WWOX: variants seen among roughly 807,000 people sequenced by gnomAD.
The protein encoded by WWOX is WW domain-containing oxidoreductase.
In WWOX, 69 loss-of-function variants were observed where a neutral mutation model predicts 46.2. The observed-to-expected ratio is 1.49, with a 90% CI of 1.23 to 1.82. The LOEUF (loss-of-function observed/expected upper bound fraction) is 1.82, where lower values mean the gene tolerates loss of function less well. WWOX is among the 40% of genes most tolerant of loss of function. The pLI, the probability that WWOX is intolerant of heterozygous loss-of-function variation, is 0.00. For synonymous variants in WWOX, 359 were observed against 202.6 expected, an observed-to-expected ratio of 1.77 and a Z score of -6.56; for missense variants, 919 against 542.6, an observed-to-expected ratio of 1.69 and a Z score of -6.89.
chr16:78,692,368 G>A lies in WWOX; in HGVS notation c.1056+259616G>A, dbSNP rs376775324. ...CATAGCTTCCTTACCAGTTCCCAAA[G>A]CTTCAGTCCTTACCAAAGTGTACAT... On this transcript the variant is annotated intron_variant, in intron 8 of 8. Transcript: ENST00000566780. 6.8e-4 allele frequency among the ~76,000 whole-genome samples: 104 copies of A among 152,266 alleles called. 3 individuals carry two copies. In the South Asian group the frequency reaches 0.017, roughly 24 times the overall value.
intron 8 of WWOX, among the ~76,000 whole-genome samples, chr16:78,609,013 G>C (rs1567433456): frequency 1.3e-5 from 2 of 152,002 alleles, no homozygotes; most frequent in African/African-American, 4.8e-5. Context: ...TCATATTTGG[G>C]ACCCTTTTTT....
chr16:78,844,311 C>G (rs1280051130), intron 8 of WWOX, among the ~76,000 whole-genome samples: 2 of 152,084 alleles, frequency 1.3e-5, no homozygotes, highest in Non-Finnish European at 2.9e-5. Context: ...TTTTTCAAAG[C>G]TTAATCCTTT....
intron 8 of WWOX, among the ~76,000 whole-genome samples, chr16:78,724,094 A>G (rs2048765777): frequency 6.6e-6 from 1 of 152,152 alleles, no homozygotes. Flanking sequence ...CTTGGCAAAA[A>G]TTCAGGATGT....
At chr16:78,690,892 G>C (rs2047971490) in intron 8 of WWOX, among the ~76,000 whole-genome samples, 1 of 152,182 alleles carries the variant, frequency 6.6e-6, no homozygotes, top group Non-Finnish European at 1.5e-5. Flanking sequence ...ATACCTGGGG[G>C]TTTTCAAATA....
chr16:78,911,379 A>G, intron 8 of WWOX, among the ~76,000 whole-genome samples: 1 of 152,018 alleles, frequency 6.6e-6, no homozygotes, highest in African/African-American at 2.4e-5. Flanking sequence ...TTAGGCATGG[A>G]GAAGCAGTCT....
intron 5 of WWOX, among the ~76,000 whole-genome samples, chr16:78,378,222 T>G (rs1033096872): frequency 2.0e-5 from 3 of 152,202 alleles, no homozygotes; most frequent in African/African-American, 4.8e-5. Context: ...AGTGTTTGTT[T>G]ATTAAAAGCA....
chr16:78,259,739 A>G (rs949737824), intron 5 of WWOX, among the ~76,000 whole-genome samples: 10 of 151,488 alleles, frequency 6.6e-5, no homozygotes, highest in African/African-American at 2.4e-4. Flanking sequence ...CATAGTTCTG[A>G]GATATAATTT....
chr16:78,735,394 A>AACACACACACAC (rs35975130), intron 8 of WWOX, among the ~76,000 whole-genome samples: 6,096 of 121,300 alleles, frequency 0.05, 277 homozygotes, highest in African/African-American at 0.11. Context: ...ACCACACACA[A>AACACACACACAC]ACACACACAC....
At chr16:79,007,423 G>A (rs2047212470) in intron 8 of WWOX, among the ~76,000 whole-genome samples, 1 of 152,176 alleles carries the variant, frequency 6.6e-6, no homozygotes, top group Non-Finnish European at 1.5e-5. Context: ...AATCACTCAG[G>A]CTGCCTTCGA....
At chr16:78,599,539 C>A (rs922291038) in intron 8 of WWOX, among the ~76,000 whole-genome samples, 1 of 152,194 alleles carries the variant, frequency 6.6e-6, no homozygotes. Flanking sequence ...GACATGGCCT[C>A]AGGAGGGCCA....
chr16:78,349,166 C>A (rs1465914473), intron 5 of WWOX, among the ~76,000 whole-genome samples: 1 of 121,072 alleles, frequency 8.3e-6, no homozygotes, highest in South Asian at 2.5e-4. Flanking sequence ...CGTGTTCTCA[C>A]GTGACCTAGC....
chr16:78,335,322 G>T (rs939436714), intron 5 of WWOX, among the ~76,000 whole-genome samples: 1 of 152,056 alleles, frequency 6.6e-6, no homozygotes, highest in African/African-American at 2.4e-5. Flanking sequence ...CGCCTCCACC[G>T]TGTGTCCATG....
At chr16:79,065,217 C>T (rs534653914) in intron 8 of WWOX, among the ~76,000 whole-genome samples, 31 of 152,296 alleles carry the variant, frequency 2.0e-4, no homozygotes, top group African/African-American at 7.5e-4. Context: ...ATGGGTTCTT[C>T]TTGCCTGCTG....
At chr16:78,644,050 C>T (rs963740534) in intron 8 of WWOX, among the ~76,000 whole-genome samples, 2 of 152,042 alleles carry the variant, frequency 1.3e-5, no homozygotes, top group Admixed American at 6.6e-5. Context: ...TGGAGAAAAC[C>T]TGTGTCTTCT....
At chr16:78,468,626 G>A (rs1034625990) in intron 8 of WWOX, among the ~76,000 whole-genome samples, 4 of 152,104 alleles carry the variant, frequency 2.6e-5, no homozygotes, top group African/African-American at 7.2e-5. Flanking sequence ...TAAAGACTTA[G>A]TACACATCCC....
chr16:78,728,748 C>T (rs1196266953), intron 8 of WWOX, among the ~76,000 whole-genome samples: 1 of 152,266 alleles, frequency 6.6e-6, no homozygotes, highest in Middle Eastern at 3.4e-3. Context: ...AGAGGGAAAA[C>T]AATCTTCCTT....
intron 8 of WWOX, among the ~76,000 whole-genome samples, chr16:78,561,818 A>G (rs926921498): frequency 2.6e-5 from 4 of 152,200 alleles, no homozygotes; most frequent in African/African-American, 7.2e-5. Flanking sequence ...GGTTCCTTCT[A>G]TGGCTCAGGA....
intron 8 of WWOX, among the ~76,000 whole-genome samples, chr16:78,592,378 C>A (rs1912803): frequency 0.15 from 23,287 of 152,094 alleles, 2,898 homozygotes; most frequent in African/African-American, 0.35. Flanking sequence ...AATTGAACAC[C>A]ATTTCTCAGA....
intron 8 of WWOX, among the ~76,000 whole-genome samples, chr16:79,192,492 G>T (rs931515926): frequency 6.6e-6 from 1 of 152,140 alleles, no homozygotes; most frequent in Non-Finnish European, 1.5e-5. Context: ...TCTCGTTAGT[G>T]CAAGAAATAA....
Sources: gnomAD v4.1 joint callset for allele counts (sites outside exome capture counted in the v4.1 genomes callset) on GRCh38, gnomAD v4.1.1 for gene constraint, MANE v1.5 for transcripts, NCBI Gene and HGNC (gene_info 2026-07-23, HGNC 2026-07-21) for gene names.